The following MAP3K9 variants were observed in gnomAD, a reference collection of about 807,000 sequenced individuals.
MAP3K9 encodes the protein mitogen-activated protein kinase kinase kinase 9, also known as mixed lineage kinase 1 (tyr and ser/thr specificity).
A neutral mutation model predicts 95.8 loss-of-function variants in MAP3K9; 46 were observed. The ratio of observed to expected loss-of-function variants is 0.48; its 90% confidence interval spans 0.38 to 0.61. MAP3K9 has a LOEUF of 0.61. MAP3K9 is among the 20% of genes least tolerant of loss of function. The probability of loss-of-function intolerance (pLI) is 0.00; values close to 1 mark genes in which losing one functional copy is unlikely to be tolerated. For missense variants in MAP3K9, 1,296 were observed against 1,474.3 expected, an observed-to-expected ratio of 0.88 and a Z score of 1.98; for synonymous variants, 533 against 593.8, an observed-to-expected ratio of 0.90 and a Z score of 1.49.
intron 2 of MAP3K9, chr14:70,783,150 T>C (rs925615406): frequency 6.8e-6 from 3 of 439,832 alleles, no homozygotes; most frequent in African/African-American, 2.1e-5. Flanking sequence ...TCAAAATGCT[T>C]GTAAGAAACC....
chr14:70,742,731 C>T (rs539961320), intron 5 of MAP3K9, 140 bp from the exon 6 acceptor site: 33 of 945,612 alleles, frequency 3.5e-5, no homozygotes, highest in Middle Eastern at 3.3e-4. Context: ...AGAGAGGACT[C>T]GATAGCTGGT....
intron 7 of MAP3K9, 169 bp downstream of exon 7, chr14:70,739,873 G>T (rs2054043490): frequency 6.4e-7 from 1 of 1,562,582 alleles, no homozygotes. Context: ...AGAGAGACAA[G>T]GGAGAGGGCT....
intron 2 of MAP3K9, among the ~76,000 whole-genome samples, chr14:70,791,521 A>C (rs2139843789): frequency 6.6e-6 from 1 of 152,250 alleles, no homozygotes; most frequent in African/African-American, 2.4e-5. Context: ...TTCTCCACCA[A>C]CCACAGGAAA....
chr14:70,746,015 T>G (rs1398494938), intron 5 of MAP3K9, among the ~76,000 whole-genome samples: 2 of 152,254 alleles, frequency 1.3e-5, no homozygotes, highest in Non-Finnish European at 2.9e-5. Flanking sequence ...CCAAATCCTT[T>G]GTTTCTCTGT....
chr14:70,734,939 G>A (rs906822386), intron 9 of MAP3K9, among the ~76,000 whole-genome samples: 2 of 152,270 alleles, frequency 1.3e-5, no homozygotes, highest in African/African-American at 4.8e-5. Context: ...TAGCAGAGGT[G>A]GACCAGGCTA....
chr14:70,794,544 G>C (rs1190229227), intron 2 of MAP3K9, among the ~76,000 whole-genome samples: 3 of 152,086 alleles, frequency 2.0e-5, no homozygotes, highest in Non-Finnish European at 2.9e-5. Flanking sequence ...AGAGGGAGGA[G>C]AAACACATGC....
At chr14:70,776,170 C>T (rs1160532146) in intron 2 of MAP3K9, among the ~76,000 whole-genome samples, 1 of 152,076 alleles carries the variant, frequency 6.6e-6, no homozygotes, top group African/African-American at 2.4e-5. Context: ...GCCTGGGCGA[C>T]AGAGCGAGAC....
intron 2 of MAP3K9, chr14:70,765,336 A>C (rs1175254481): frequency 4.6e-6 from 2 of 430,582 alleles, no homozygotes. Context: ...TCTAAAAAAA[A>C]GTTTTCTTTA....
rs762832980 is a variant in MAP3K9 at position 70,732,923 on chromosome 14, A to G, written c.2446T>C (p.Phe816Leu). The change falls in exon 11 of 12, where the codon TTC (phenylalanine) becomes CTC (leucine). Residue 816 changes from phenylalanine (F) to leucine (L), a missense_variant. Coordinates refer to ENST00000554752, the MANE Select transcript of MAP3K9 (RefSeq NM_001284230.2). ...RSTSPPSRKLFKKEEPMLLLG... is the reference protein window; with the variant it reads ...RSTSPPSRKLLKKEEPMLLLG... ...AACAGCATGGGCTCCTCCTTCTTGA[A>G]AAGCTTTCGGGATGGGGGGCTGGTG... 6.2e-7 allele frequency: 1 copy of G among 1,613,892 alleles called. No homozygotes were observed. Among genetic ancestry groups the G allele is most frequent in the Non-Finnish European group, 8.5e-7 (1 of 1,179,876 alleles).
chr14:70,803,857 C>A (rs1421360918), intron 1 of MAP3K9, among the ~76,000 whole-genome samples: 1 of 152,184 alleles, frequency 6.6e-6, no homozygotes, highest in Non-Finnish European at 1.5e-5. Context: ...ACTACAGAGG[C>A]TAGGAAGCTA....
intron 2 of MAP3K9, among the ~76,000 whole-genome samples, chr14:70,792,870 G>C (rs2054821327): frequency 6.6e-6 from 1 of 152,222 alleles, no homozygotes; most frequent in South Asian, 2.1e-4. Context: ...AGGCCAATGG[G>C]AAGACAAAAT....
In MAP3K9 at chr14:70,774,846, A is replaced by C. The variant is rs1382602530; in HGVS notation, c.821-13664T>G. 2.0e-5 allele frequency among the ~76,000 whole-genome samples: 3 copies of C among 151,888 alleles called. No homozygotes were observed. The East Asian group carries it at 5.8e-4, about 29-fold the overall frequency. ...CTAAAAATATAAAAATTAGCTGGGC[A>C]TGGTGGCACGCATCTGTAGTCCCAG... On this transcript the variant is annotated intron_variant, in intron 2 of 11. Transcript: ENST00000554752.
rs190045370 is a variant in MAP3K9, at chr14:70,770,649, T to C, written c.821-9467A>G. ...AAGACAGCCAAGAGCAGATACAATC[T>C]GCCCCAGGCTTCCCCAGGTAGTCAG... On this transcript the variant is annotated intron_variant, in intron 2 of 11. Coordinates refer to ENST00000554752, the MANE Select transcript of MAP3K9 (RefSeq NM_001284230.2). Among the ~76,000 whole-genome samples, 213 of 152,324 alleles carry C rather than the reference T, an allele frequency of 1.4e-3. 2 individuals are homozygous for C. The highest frequency in any genetic ancestry group is 3.4e-3 in the Middle Eastern group (1 of 292).
chr14:70,742,060 G>T (rs1298054527), intron 6 of MAP3K9, among the ~76,000 whole-genome samples: 1 of 152,192 alleles, frequency 6.6e-6, no homozygotes, highest in African/African-American at 2.4e-5. Flanking sequence ...CTCCAGGTTT[G>T]CCTAAAGTGA....
intron 2 of MAP3K9, among the ~76,000 whole-genome samples, chr14:70,773,124 T>C (rs1324569274): frequency 6.6e-6 from 1 of 152,150 alleles, no homozygotes; most frequent in Non-Finnish European, 1.5e-5. Flanking sequence ...AGTAACCCTC[T>C]CCCCAAGGGA....
In MAP3K9 at chr14:70,736,005, A is replaced by G. The variant is rs2053981322; in HGVS notation, c.1869T>C (p.Ala623=). The G allele has an allele frequency of 6.2e-7, 1 of 1,613,546 alleles. No individual in the cohort carries two copies. The highest frequency in any genetic ancestry group is 8.5e-7 in the Non-Finnish European group (1 of 1,179,470). The change falls in exon 9 of 12, where the codon GCT becomes GCC. Residue 623 remains alanine (A), a synonymous_variant. Coordinates refer to ENST00000554752, the MANE Select transcript of MAP3K9 (RefSeq NM_001284230.2). ...ATTCTGATGGGGTACTTAAACCATT[A>G]GCTTTCTCACGTCTCTGAGGGGATC... is the stretch of plus-strand genomic sequence containing the variant. The part of the protein sequence containing the change: ...DEGSPQRREK[A]NGLSTPSESP...
In MAP3K9 at chr14:70,734,430, C is replaced by T. The variant is rs143943391; in HGVS notation, c.1982G>A (p.Arg661Lys). ...GAACCCTGGCAGGGCCGGGCTACTC[C>T]TTGGGCCCTTCACCAGGTTGGGGGC... ...SSAPNLVKGP[R>K]SSPALPGFTS... is the part of the protein sequence containing the mutation. Residue 661 changes from arginine (R) to lysine (K), a missense_variant, in exon 10 of 12, where the codon AGG becomes AAG. Arg to Lys is a conservative substitution (Grantham distance 26). Transcript: ENST00000554752. 11 of 1,614,042 alleles carry T rather than the reference C, an allele frequency of 6.8e-6. No individual in the cohort carries two copies. In the African/African-American group the frequency reaches 1.5e-4, roughly 22 times the overall value.
chr14:70,740,832 G>A (rs2054059935), intron 6 of MAP3K9, among the ~76,000 whole-genome samples: 1 of 152,218 alleles, frequency 6.6e-6, no homozygotes, highest in African/African-American at 2.4e-5. Context: ...CCCTGCAGGT[G>A]GGAACTATAG....
At chr14:70,782,850 C>T (rs1330545833) in intron 2 of MAP3K9, among the ~76,000 whole-genome samples, 1 of 152,140 alleles carries the variant, frequency 6.6e-6, no homozygotes, top group Admixed American at 6.5e-5. Context: ...AGGATCTCAC[C>T]ATGGTAGGGA....
Sources: allele counts gnomAD v4.1 joint callset (sites outside exome capture counted in the v4.1 genomes callset), GRCh38; gene constraint gnomAD v4.1.1; transcripts MANE v1.5; gene names NCBI Gene and HGNC (gene_info 2026-07-23, HGNC 2026-07-21).